RBL1: variants seen among roughly 807,000 people sequenced by gnomAD.
RBL1 encodes RB transcriptional corepressor like 1.
RBL1 carries 82 observed loss-of-function variants against 123.0 expected under a neutral mutation model. The ratio of observed to expected loss-of-function variants is 0.67; its 90% CI spans 0.56 to 0.80. The LOEUF is 0.80. Among genes scored for constraint, RBL1 ranks in the 30% least tolerant of loss-of-function variants. The pLI is 0.00. For missense variants in RBL1, 1,171 were observed against 1,299.6 expected (o/e 0.90, Z 1.52); for synonymous variants, 405 against 441.3 (o/e 0.92, Z 1.03).
chr20:37,007,633 C>T (rs2064095717), intron 19 of RBL1, 74 bp from the exon 20 acceptor site: 2 of 1,483,276 alleles, frequency 1.3e-6, no homozygotes, highest in Non-Finnish European at 9.1e-7. Context: ...CACTTTGTCA[C>T]CCAGGGTGGA....
intron 21 of RBL1, among the ~76,000 whole-genome samples, chr20:36,999,431 TCCTCTC>T (rs1211092391): frequency 6.7e-6 from 1 of 149,238 alleles, no homozygotes; most frequent in Non-Finnish European, 1.5e-5. Context: ...CCCGTCTCCC[TCCTCTC>T]CCTCTCCCTC....
intron 20 of RBL1, among the ~76,000 whole-genome samples, chr20:37,005,520 A>ATTT (rs1191995687): frequency 0.01 from 1,593 of 152,322 alleles, 24 homozygotes; most frequent in African/African-American, 0.037. Flanking sequence ...AGAGAGAATA[A>ATTT]AAGAGGCAGA....
intron 11 of RBL1, among the ~76,000 whole-genome samples, chr20:37,052,816 AT>A (rs2064940490): frequency 6.6e-6 from 1 of 151,638 alleles, no homozygotes; most frequent in Non-Finnish European, 1.5e-5. Flanking sequence ...AGCCTTTTAT[AT>A]TTTCAGTAGA....
rs2064584479 is a variant in RBL1 at position 37,035,145 on chromosome 20, A to T, written c.2170+97T>A. 10 of 1,251,852 alleles carry T rather than the reference A, an allele frequency of 8.0e-6. No homozygotes were observed. The South Asian group carries it at 1.5e-4, about 18-fold the overall frequency. 77.5% of individuals were successfully genotyped at this position (1,251,852 alleles called of 1,614,324 possible). ...AAAAAAAAGTATAGGTTCAAGAAAAAATAATGAGTTAGAAAAACCATGTGA... is the reference window on the plus strand; with the variant it reads ...AAAAAAAAGTATAGGTTCAAGAAAATATAATGAGTTAGAAAAACCATGTGA... On this transcript the variant is annotated intron_variant, in intron 15 of 21. Transcript: ENST00000373664.
In RBL1 at chr20:36,998,662, T is replaced by C; in HGVS notation, c.*97A>G. ...GCAATTTTTTCTTATAACCCAGTGATATTTATCATCTATAGGGCTAAAAGG... is the reference window on the plus strand; with the variant it reads ...GCAATTTTTTCTTATAACCCAGTGACATTTATCATCTATAGGGCTAAAAGG... On this transcript the variant is annotated 3_prime_UTR_variant, in exon 22 of 22. Transcript: ENST00000373664. 1 of 1,101,768 alleles carries C rather than the reference T, an allele frequency of 9.1e-7. No homozygotes were observed. The highest frequency in any genetic ancestry group is 1.9e-5 in the South Asian group (1 of 54,020). 68.2% of individuals were successfully genotyped at this position (1,101,768 alleles called of 1,614,324 possible).
chr20:37,066,140 T>G (rs778448528), intron 6 of RBL1, among the ~76,000 whole-genome samples: 8 of 152,214 alleles, frequency 5.3e-5, no homozygotes, highest in Non-Finnish European at 7.3e-5. Context: ...TCTTGAGGCT[T>G]AACTACATTT....
chr20:37,092,966 T>A (rs1210258381), intron 1 of RBL1, among the ~76,000 whole-genome samples: 4 of 152,160 alleles, frequency 2.6e-5, no homozygotes, highest in African/African-American at 4.8e-5. Context: ...AAAAATGTTT[T>A]CTGATCTCAC....
chr20:37,013,807 T>TA (rs113686016), intron 19 of RBL1, among the ~76,000 whole-genome samples: 1,883 of 152,294 alleles, frequency 0.012, 45 homozygotes, highest in African/African-American at 0.043. Flanking sequence ...CACCTGTTCT[T>TA]GAGCAAATCT....
At position 37,000,353 on chromosome 20, in the gene RBL1, G is replaced by A. The variant is rs1435425050; in HGVS notation, c.3037-1424C>T. Reference sequence around the variant, plus strand: ...AGCCCCCCACCCGGCCAGCCGCCCCGTCCAGAAGGGAGGTGGGGGGGTTAG... The same window carrying A: ...AGCCCCCCACCCGGCCAGCCGCCCCATCCAGAAGGGAGGTGGGGGGGTTAG... On this transcript the variant is annotated intron_variant, in intron 21 of 21. Coordinates refer to ENST00000373664, the MANE Select transcript of RBL1 (RefSeq NM_002895.5). Among the ~76,000 whole-genome samples the A allele has an allele frequency of 3.1e-4, 45 of 147,004 alleles. 1 individual carries two copies. Among genetic ancestry groups the A allele is most frequent in the Non-Finnish European group, 4.2e-4 (28 of 66,874 alleles).
intron 17 of RBL1, 41 bp downstream of exon 17, chr20:37,022,609 G>A (rs750448517): frequency 1.3e-6 from 2 of 1,553,758 alleles, no homozygotes; most frequent in South Asian, 1.2e-5. Context: ...TTATACGTGT[G>A]AGCCACCATG....
intron 17 of RBL1, among the ~76,000 whole-genome samples, chr20:37,021,362 A>G (rs1257127447): frequency 2.0e-5 from 3 of 152,186 alleles, no homozygotes; most frequent in Admixed American, 6.5e-5. Context: ...TATAATGATG[A>G]GCTAGAAATG....
At chr20:37,015,687 C>A (rs1208523255) in intron 19 of RBL1, among the ~76,000 whole-genome samples, 1 of 151,954 alleles carries the variant, frequency 6.6e-6, no homozygotes, top group East Asian at 1.9e-4. Flanking sequence ...GCCTCGGCCT[C>A]CCAAAGTGCT....
rs965334003 is a variant in RBL1 at position 37,044,233 on chromosome 20, G to C, written c.1623C>G (p.Ile541Met). The C allele has an allele frequency of 1.2e-6, 2 of 1,613,656 alleles. No individual in the cohort carries two copies. Among genetic ancestry groups the C allele is most frequent in the African/African-American group, 1.3e-5 (1 of 74,958 alleles). The change falls in exon 13 of 22, where the codon ATC (isoleucine) becomes ATG (methionine). Residue 541 changes from isoleucine to methionine, a missense_variant. Physicochemically the swap from Ile to Met is conservative, Grantham distance 10. Coordinates refer to ENST00000373664, the MANE Select transcript of RBL1 (RefSeq NM_002895.5). ...CCCTTGAGAGCCCCTCTTCTGAGCG[G>C]ATCACCACCTCAATAACCTGCAGAG... ...FYFYKVIEVV[I>M]RSEEGLSRDM... is the part of the protein sequence containing the mutation.
At chr20:37,029,046 A>T (rs1261501278) in intron 16 of RBL1, among the ~76,000 whole-genome samples, 1 of 152,222 alleles carries the variant, frequency 6.6e-6, no homozygotes, top group Non-Finnish European at 1.5e-5. Flanking sequence ...AGGATAATTT[A>T]AAACAAGGAA....
At chr20:37,073,966 C>T (rs1312862226) in intron 2 of RBL1, among the ~76,000 whole-genome samples, 2 of 151,870 alleles carry the variant, frequency 1.3e-5, no homozygotes, top group Non-Finnish European at 2.9e-5. Context: ...AAAAAATTAG[C>T]CAGGTGTGGT....
chr20:36,998,967 G>A, intron 21 of RBL1, 38 bp from the exon 22 acceptor site: 1 of 1,566,096 alleles, frequency 6.4e-7, no homozygotes, highest in Non-Finnish European at 8.7e-7. Flanking sequence ...GTAAAAGAGG[G>A]AGAGGGGAAA....
At chr20:37,075,130 C>A (rs1299797567) in intron 2 of RBL1, among the ~76,000 whole-genome samples, 2 of 152,126 alleles carry the variant, frequency 1.3e-5, no homozygotes, top group Non-Finnish European at 2.9e-5. Flanking sequence ...TTATACGATT[C>A]CATTTATATG....
intron 2 of RBL1, among the ~76,000 whole-genome samples, chr20:37,078,788 T>G (rs2065403130): frequency 6.6e-6 from 1 of 152,064 alleles, no homozygotes. Context: ...GCAGTTTTCA[T>G]TTTGGTTTTA....
At chr20:37,092,145 A>AG (rs1301081604) in intron 1 of RBL1, among the ~76,000 whole-genome samples, 2 of 152,122 alleles carry the variant, frequency 1.3e-5, no homozygotes, top group Admixed American at 6.6e-5. Context: ...CTGGAGGCTG[A>AG]GATGGGAGAA....
Sources: gnomAD v4.1 joint callset for allele counts (sites outside exome capture counted in the v4.1 genomes callset) on GRCh38, gnomAD v4.1.1 for gene constraint, MANE v1.5 for transcripts, NCBI Gene and HGNC (gene_info 2026-07-23, HGNC 2026-07-21) for gene names.